The following CWC27 variants were observed in gnomAD, a reference collection of about 807,000 sequenced individuals.
CWC27 encodes the protein CWC27 spliceosome associated cyclophilin.
In CWC27, 47 loss-of-function variants were observed where a neutral mutation model predicts 63.6. That is an observed-to-expected ratio of 0.74 (90% CI 0.58 to 0.94). CWC27 has a LOEUF of 0.94. Ranked by LOEUF, CWC27 falls within the 40% of genes least tolerant of loss-of-function variation. The probability of loss-of-function intolerance (pLI) is 0.00; values close to 1 mark genes in which losing one functional copy is unlikely to be tolerated. For missense variants in CWC27, 495 were observed against 554.3 expected, an observed-to-expected ratio of 0.89 and a Z score of 1.07; for synonymous variants, 175 against 179.8, an observed-to-expected ratio of 0.97 and a Z score of 0.22.
intron 13 of CWC27, among the ~76,000 whole-genome samples, chr5:65,013,771 C>T (rs1750001874): frequency 6.6e-6 from 1 of 152,046 alleles, no homozygotes; most frequent in Admixed American, 6.6e-5. Flanking sequence ...GTGATAAGTT[C>T]CTAAGTTAGG....
chr5:64,909,885 C>T (rs1298070196), intron 11 of CWC27, among the ~76,000 whole-genome samples: 2 of 152,160 alleles, frequency 1.3e-5, no homozygotes, highest in Non-Finnish European at 2.9e-5. Context: ...CCTGCTTTAG[C>T]TCAGAGAAGT....
chr5:64,807,462 G>T, intron 10 of CWC27: 1 of 1,135,676 alleles, frequency 8.8e-7, no homozygotes, highest in Non-Finnish European at 1.2e-6. Context: ...AAGAGCTCAG[G>T]GGAAATACAA....
intron 10 of CWC27, among the ~76,000 whole-genome samples, chr5:64,869,032 A>G (rs185464019): frequency 6.6e-6 from 1 of 152,198 alleles, no homozygotes; most frequent in Admixed American, 6.6e-5. Flanking sequence ...GACTTGGAAC[A>G]TTTTTGGAAT....
At chr5:64,833,078 C>T (rs1363578267) in intron 10 of CWC27, among the ~76,000 whole-genome samples, 1 of 151,788 alleles carries the variant, frequency 6.6e-6, no homozygotes, top group Non-Finnish European at 1.5e-5. Context: ...TGTGAAGTTA[C>T]ATGATTTAAA....
At chr5:64,794,967 A>AT (rs922654129) in intron 7 of CWC27, among the ~76,000 whole-genome samples, 69 of 152,322 alleles carry the variant, frequency 4.5e-4, no homozygotes, top group African/African-American at 1.6e-3. Flanking sequence ...ATTGTGCCAC[A>AT]TTCACAGTGA....
chr5:64,984,621 A>G (rs1749389961), intron 13 of CWC27, among the ~76,000 whole-genome samples: 1 of 152,142 alleles, frequency 6.6e-6, no homozygotes. Flanking sequence ...TGTCTGTTCA[A>G]GTCTTTTGCC....
intron 7 of CWC27, among the ~76,000 whole-genome samples, chr5:64,792,192 T>A (rs1465963203): frequency 6.6e-6 from 1 of 152,144 alleles, no homozygotes; most frequent in Non-Finnish European, 1.5e-5. Flanking sequence ...TGTTAAACTT[T>A]CCTGGTGATA....
At chr5:64,915,815 A>G (rs549997585) in intron 11 of CWC27, among the ~76,000 whole-genome samples, 1 of 152,178 alleles carries the variant, frequency 6.6e-6, no homozygotes, top group South Asian at 2.1e-4. Flanking sequence ...AAAACCCTAT[A>G]AAAATACATA....
intron 13 of CWC27, among the ~76,000 whole-genome samples, chr5:65,010,207 A>G (rs557837416): frequency 5.3e-4 from 80 of 152,318 alleles, no homozygotes; most frequent in African/African-American, 1.9e-3. Flanking sequence ...GCTTTGAAAA[A>G]AACAGGGACA....
chr5:64,914,851 C>T (rs1459904473), intron 11 of CWC27, among the ~76,000 whole-genome samples: 3 of 152,084 alleles, frequency 2.0e-5, no homozygotes, highest in African/African-American at 7.2e-5. Flanking sequence ...GCACAAATAT[C>T]TATCATCAAC....
At chr5:64,802,125 G>A (rs1744509935) in intron 9 of CWC27, among the ~76,000 whole-genome samples, 1 of 152,212 alleles carries the variant, frequency 6.6e-6, no homozygotes, top group Non-Finnish European at 1.5e-5. Context: ...GATGAAGGGG[G>A]TGAGGTCCCT....
chr5:64,988,133 T>C (rs2112455662), intron 13 of CWC27, among the ~76,000 whole-genome samples: 2 of 152,316 alleles, frequency 1.3e-5, no homozygotes, highest in Middle Eastern at 6.8e-3. Context: ...TAAATTTTGA[T>C]TATTGTATTT....
At chr5:64,882,290 T>C (rs764038209) in intron 10 of CWC27, among the ~76,000 whole-genome samples, 1 of 152,154 alleles carries the variant, frequency 6.6e-6, no homozygotes, top group Non-Finnish European at 1.5e-5. Flanking sequence ...CATGATCAAA[T>C]AGAGACTTCA....
chr5:64,885,824 G>A (rs1199765558), intron 11 of CWC27, among the ~76,000 whole-genome samples: 1 of 151,536 alleles, frequency 6.6e-6, no homozygotes, highest in African/African-American at 2.4e-5. Context: ...GTGCAAATGG[G>A]ATTGTAACTA....
intron 10 of CWC27, chr5:64,808,279 G>A: frequency 1.0e-6 from 1 of 992,728 alleles, no homozygotes; most frequent in Non-Finnish European, 1.2e-6. Context: ...GCTCCTGGAT[G>A]AGTTCAAGTT....
intron 13 of CWC27, among the ~76,000 whole-genome samples, chr5:64,996,688 G>A (rs1749638508): frequency 6.6e-6 from 1 of 152,006 alleles, no homozygotes; most frequent in African/African-American, 2.4e-5. Context: ...TGGCTCAATA[G>A]TTTGATTCCA....
At chr5:64,973,188 A>G (rs896852145) in intron 12 of CWC27, among the ~76,000 whole-genome samples, 3 of 152,236 alleles carry the variant, frequency 2.0e-5, no homozygotes, top group African/African-American at 7.2e-5. Flanking sequence ...AGAGGTAAGC[A>G]AAAGTAAGTT....
At chr5:64,778,758 G>T (rs1171052650) in intron 2 of CWC27, among the ~76,000 whole-genome samples, 1 of 152,116 alleles carries the variant, frequency 6.6e-6, no homozygotes, top group Non-Finnish European at 1.5e-5. Flanking sequence ...GAATATAGGA[G>T]AGATACTTTA....
At chr5:64,977,779 A>G (rs1749254773) in intron 13 of CWC27, among the ~76,000 whole-genome samples, 1 of 152,088 alleles carries the variant, frequency 6.6e-6, no homozygotes, top group South Asian at 2.1e-4. Context: ...TGACATATAC[A>G]TATCCTTTGC....
Sources: allele counts gnomAD v4.1 joint callset (sites outside exome capture counted in the v4.1 genomes callset), GRCh38; gene constraint gnomAD v4.1.1; transcripts MANE v1.5; gene names NCBI Gene and HGNC (gene_info 2026-07-23, HGNC 2026-07-21).